Variants in IGF1R observed in about 807,000 individuals in gnomAD.
The protein encoded by IGF1R is insulin like growth factor 1 receptor.
In IGF1R, 44 loss-of-function variants were observed where a neutral mutation model predicts 144.6. The ratio of observed to expected loss-of-function variants is 0.30; its 90% CI spans 0.24 to 0.39. The LOEUF (loss-of-function observed/expected upper bound fraction) is 0.39, where lower values mean the gene tolerates loss of function less well. IGF1R is among the 10% of genes least tolerant of loss of function. The probability of loss-of-function intolerance (pLI) is 1.00; values close to 1 mark genes in which losing one functional copy is unlikely to be tolerated. For missense variants in IGF1R, 1,355 were observed against 1,833.7 expected (o/e 0.74, Z 4.77); for synonymous variants, 795 against 722.8 (o/e 1.10, Z -1.60).
At chr15:98,908,502 A>C (rs953065665) in intron 5 of IGF1R, among the ~76,000 whole-genome samples, 183 bp from the exon 6 acceptor site, 6 of 152,238 alleles carry the variant, frequency 3.9e-5, no homozygotes, top group Non-Finnish European at 7.3e-5. Context: ...TCCTTGAATC[A>C]TGTTGCTGCC....
chr15:98,769,841 A>G lies in IGF1R; in HGVS notation c.640+61734A>G, dbSNP rs181034906. On this transcript the variant is annotated intron_variant, in intron 2 of 20. Coordinates refer to ENST00000650285, the MANE Select transcript of IGF1R (RefSeq NM_000875.5). ...TTAGCCCTAGCTGTTTGTCTTGCTTATTTAAACTTGTACATGGCACATGCT... is the reference window on the plus strand; with the variant it reads ...TTAGCCCTAGCTGTTTGTCTTGCTTGTTTAAACTTGTACATGGCACATGCT... 1.1e-3 allele frequency among the ~76,000 whole-genome samples: 167 copies of G among 152,300 alleles called. 1 individual carries two copies. The highest frequency in any genetic ancestry group is 3.3e-3 in the African/African-American group (138 of 41,540).
rs556637312 is a variant in IGF1R, at chr15:98,952,574, T to G, written c.3722+3866T>G. ...CAGGTGTGAGTTCTGCTTCTGTGGT[T>G]TAGGGTGGGTGAGGGAGAGCGGTAT... On this transcript the variant is annotated intron_variant, in intron 20 of 20. Coordinates refer to ENST00000650285, the MANE Select transcript of IGF1R (RefSeq NM_000875.5). 2.6e-5 allele frequency among the ~76,000 whole-genome samples: 4 copies of G among 152,232 alleles called. No individual in the cohort carries two copies. In the South Asian group the frequency reaches 8.3e-4, roughly 32 times the overall value.
intron 2 of IGF1R, among the ~76,000 whole-genome samples, chr15:98,752,608 G>A (rs148501688): frequency 0.013 from 2,050 of 152,100 alleles, 43 homozygotes; most frequent in African/African-American, 0.047. Flanking sequence ...GCATGAACCC[G>A]GGAGGCGGAG....
At chr15:98,918,635 C>T (rs958875542) in intron 10 of IGF1R, among the ~76,000 whole-genome samples, 2 of 152,124 alleles carry the variant, frequency 1.3e-5, no homozygotes, top group East Asian at 3.9e-4. Flanking sequence ...AATCCCAGCA[C>T]TTTGGGAGGC....
At chr15:98,828,793 T>TC (rs758167036) in intron 2 of IGF1R, among the ~76,000 whole-genome samples, 42 of 140,552 alleles carry the variant, frequency 3.0e-4, no homozygotes, top group East Asian at 6.2e-4. Context: ...TTTTTTTTTT[T>TC]CCTATTTTGG....
At chr15:98,661,504 G>C (rs1266123355) in intron 1 of IGF1R, among the ~76,000 whole-genome samples, 1 of 152,218 alleles carries the variant, frequency 6.6e-6, no homozygotes, top group Non-Finnish European at 1.5e-5. Flanking sequence ...ATATTCAAGA[G>C]TAGCTTGTAA....
At chr15:98,755,074 A>G (rs967011951) in intron 2 of IGF1R, among the ~76,000 whole-genome samples, 1 of 152,384 alleles carries the variant, frequency 6.6e-6, no homozygotes, top group South Asian at 2.1e-4. Context: ...AAAGATATAT[A>G]TAGAAAATTG....
At chr15:98,924,422 T>G (rs1280545041) in intron 12 of IGF1R, 103 bp from the exon 13 acceptor site, 2 of 1,040,386 alleles carry the variant, frequency 1.9e-6, no homozygotes, top group Non-Finnish European at 3.0e-6. Flanking sequence ...AGGTGGGAGG[T>G]CAGATCAGGC....
Position 98,960,767 on chromosome 15 carries a change from A to G in IGF1R, c.*3325A>G. 1 of 233,674 alleles carries G rather than the reference A, an allele frequency of 4.3e-6. No individual in the cohort carries two copies. The highest frequency in any genetic ancestry group is 8.5e-6 in the Non-Finnish European group (1 of 118,208). 14.5% of individuals were successfully genotyped at this position (233,674 alleles called of 1,614,324 possible). A position where few individuals can be genotyped will look rare whatever the true frequency, so the allele number is the denominator to read the frequency against. On this transcript the variant is annotated 3_prime_UTR_variant, in exon 21 of 21. Coordinates refer to ENST00000650285, the MANE Select transcript of IGF1R (RefSeq NM_000875.5). Reference sequence around the variant, plus strand: ...TCACAGCCAGTCCCTGATAGAACACACGCAGGAGCAGAGTCCCCTCCCCCT... The same window carrying G: ...TCACAGCCAGTCCCTGATAGAACACGCGCAGGAGCAGAGTCCCCTCCCCCT...
intron 1 of IGF1R, among the ~76,000 whole-genome samples, chr15:98,670,973 A>T (rs1484184218): frequency 6.6e-6 from 1 of 152,052 alleles, no homozygotes; most frequent in South Asian, 2.1e-4. Context: ...TTGGAATGAG[A>T]AGTTTTCTAT....
rs1198985271 is a variant in IGF1R at position 98,916,797 on chromosome 15, G to C, written c.2122G>C (p.Glu708Gln). The C allele has an allele frequency of 1.1e-5, 17 of 1,614,122 alleles. No individual in the cohort carries two copies. The highest frequency in any genetic ancestry group is 1.4e-5 in the Non-Finnish European group (17 of 1,180,032). Residue 708 changes from glutamate to glutamine, a missense_variant, in exon 10 of 21, where the codon GAG becomes CAG. Glu to Gln is a conservative substitution (Grantham distance 29). Around this residue, in one of 7 missense-constraint regions of IGF1R, gnomAD observed 880 missense variants for 1,202.7 expected, o/e 0.73. Transcript: ENST00000650285. Reference protein sequence around the residue: ...PCCACPKTEAEKQAEKEEAEY... With the variant: ...PCCACPKTEAQKQAEKEEAEY... ...CTGCGCCTGCCCCAAAACTGAAGCC[G>C]AGAAGCAGGCCGAGAAGGAGGAGGC...
rs1011861774 is a variant in IGF1R at position 98,648,622 on chromosome 15, G to C, written c.-960G>C. Among the ~76,000 whole-genome samples, 3 of 146,516 alleles carry C rather than the reference G, an allele frequency of 2.0e-5. No homozygotes were observed. The highest frequency in any genetic ancestry group is 7.4e-5 in the African/African-American group (3 of 40,632). Reference sequence around the variant, plus strand: ...AACTCCGCTGAGCGGAAAAAAAAAGGGAAAAAACCCGAGGAGGAGCGAGCG... The same window carrying C: ...AACTCCGCTGAGCGGAAAAAAAAAGCGAAAAAACCCGAGGAGGAGCGAGCG... On this transcript the variant is annotated 5_prime_UTR_variant, in exon 1 of 21. Coordinates refer to ENST00000650285, the MANE Select transcript of IGF1R (RefSeq NM_000875.5).
chr15:98,906,607 T>C (rs1412009407), intron 5 of IGF1R, among the ~76,000 whole-genome samples: 1 of 152,226 alleles, frequency 6.6e-6, no homozygotes, highest in African/African-American at 2.4e-5. Context: ...CCAGCAACAG[T>C]AGCGCCAGCT....
chr15:98,929,814 C>G (rs900993417), intron 14 of IGF1R, among the ~76,000 whole-genome samples, 154 bp downstream of exon 14: 1 of 152,180 alleles, frequency 6.6e-6, no homozygotes, highest in African/African-American at 2.4e-5. Context: ...GAAAAGAGAA[C>G]CTTTTCTAAT....
chr15:98,777,619 G>A (rs138903970), intron 2 of IGF1R, among the ~76,000 whole-genome samples: 10 of 152,330 alleles, frequency 6.6e-5, no homozygotes, highest in African/African-American at 2.4e-4. Context: ...TGACCCCTGT[G>A]GGGGCTGTCC....
intron 2 of IGF1R, among the ~76,000 whole-genome samples, chr15:98,723,218 T>G (rs781729603): frequency 4.6e-5 from 7 of 152,182 alleles, no homozygotes; most frequent in Non-Finnish European, 1.0e-4. Flanking sequence ...AGGGTGCTGA[T>G]TGAAGCTTTT....
intron 2 of IGF1R, among the ~76,000 whole-genome samples, chr15:98,758,786 G>A (rs2055221502): frequency 6.6e-6 from 1 of 152,186 alleles, no homozygotes; most frequent in Non-Finnish European, 1.5e-5. Context: ...TACTGTCCTT[G>A]TTACTTTAGA....
At chr15:98,956,127 G>GC (rs1278797507) in intron 20 of IGF1R, among the ~76,000 whole-genome samples, 2 of 152,258 alleles carry the variant, frequency 1.3e-5, no homozygotes, top group East Asian at 3.8e-4. Flanking sequence ...AGGGCAGCCG[G>GC]CTTTCCTTGT....
intron 1 of IGF1R, among the ~76,000 whole-genome samples, chr15:98,663,313 G>A (rs546679776): frequency 2.0e-5 from 3 of 152,322 alleles, no homozygotes; most frequent in South Asian, 4.1e-4. Context: ...GGCAGCTCCC[G>A]AGGAGACACC....
Sources: allele counts gnomAD v4.1 joint callset (sites outside exome capture counted in the v4.1 genomes callset), GRCh38; gene constraint gnomAD v4.1.1; regional missense constraint gnomAD v4.1.1; transcripts MANE v1.5; gene names NCBI Gene and HGNC (gene_info 2026-07-23, HGNC 2026-07-21).